PRKG1: variants seen among roughly 807,000 people sequenced by gnomAD.
PRKG1 encodes the protein protein kinase cGMP-dependent 1, also known as cGMP-dependent protein kinase 1.
A neutral mutation model predicts 88.1 loss-of-function variants in PRKG1; 35 were observed. The observed-to-expected ratio is 0.40, with a 90% CI of 0.30 to 0.53. The LOEUF is 0.53. PRKG1 is among the 20% of genes least tolerant of loss of function. PRKG1 has a pLI of 0.59. For synonymous variants in PRKG1, 303 were observed against 292.5 expected (o/e 1.04, Z -0.37); for missense variants, 540 against 839.8 (o/e 0.64, Z 4.41).
At chr10:51,931,245 A>G (rs1224271294) in intron 5 of PRKG1, among the ~76,000 whole-genome samples, 1 of 152,216 alleles carries the variant, frequency 6.6e-6, no homozygotes, top group Non-Finnish European at 1.5e-5. Flanking sequence ...TCGAAAATTA[A>G]TGTACCAGGG....
intron 1 of PRKG1, among the ~76,000 whole-genome samples, chr10:51,012,850 G>T (rs562252822): frequency 1.5e-3 from 223 of 152,342 alleles, no homozygotes; most frequent in African/African-American, 5.3e-3. Flanking sequence ...TGGTATGGTT[G>T]GAGATAAACT....
intron 3 of PRKG1, among the ~76,000 whole-genome samples, chr10:51,714,984 T>C (rs1343816880): frequency 6.6e-6 from 1 of 152,194 alleles, no homozygotes; most frequent in Admixed American, 6.5e-5. Flanking sequence ...AGGACAGTGT[T>C]ACCGTATGCC....
chr10:51,097,482 C>T (rs986715303), intron 1 of PRKG1, among the ~76,000 whole-genome samples: 3 of 152,076 alleles, frequency 2.0e-5, no homozygotes, highest in South Asian at 2.1e-4. Flanking sequence ...CTTGGCTTCC[C>T]GAAGTGCTTG....
rs1006468166 is a variant in PRKG1 at position 51,759,337 on chromosome 10, G to A, written c.593-45248G>A. On this transcript the variant is annotated intron_variant, in intron 3 of 17. Coordinates refer to ENST00000373980, the MANE Select transcript of PRKG1 (RefSeq NM_006258.4). The stretch of plus-strand genomic sequence containing the variant: ...GCTGGAGTGTGATGGTGCGATCTCG[G>A]CTCACTGCAACCTCCACCTCCCAGG... Among the ~76,000 whole-genome samples the A allele has an allele frequency of 3.3e-5, 5 of 152,074 alleles. No individual in the cohort carries two copies. The East Asian group carries it at 9.7e-4, about 30-fold the overall frequency.
At chr10:52,106,100 T>A (rs1189995500) in intron 7 of PRKG1, among the ~76,000 whole-genome samples, 1 of 152,224 alleles carries the variant, frequency 6.6e-6, no homozygotes, top group Non-Finnish European at 1.5e-5. Context: ...GTTACTTCAC[T>A]TAAAATAATA....
At chr10:52,112,602 T>G (rs1191247295) in intron 7 of PRKG1, among the ~76,000 whole-genome samples, 1 of 152,218 alleles carries the variant, frequency 6.6e-6, no homozygotes, top group Non-Finnish European at 1.5e-5. Flanking sequence ...TCTTTCTTGT[T>G]CCAGACCTGT....
intron 2 of PRKG1, among the ~76,000 whole-genome samples, chr10:51,400,516 G>C (rs1313338570): frequency 6.6e-6 from 1 of 152,164 alleles, no homozygotes; most frequent in African/African-American, 2.4e-5. Flanking sequence ...GGGTATTTTA[G>C]AGCTCCTCTG....
At chr10:52,110,548 T>G (rs1847538895) in intron 7 of PRKG1, among the ~76,000 whole-genome samples, 1 of 152,062 alleles carries the variant, frequency 6.6e-6, no homozygotes, top group African/African-American at 2.4e-5. Flanking sequence ...TGAGGCATGT[T>G]GTGCAGAGGC....
At chr10:52,090,520 A>G (rs1847030136) in intron 7 of PRKG1, among the ~76,000 whole-genome samples, 1 of 151,600 alleles carries the variant, frequency 6.6e-6, no homozygotes, top group Non-Finnish European at 1.5e-5. Flanking sequence ...GAAATAGAAA[A>G]TCATCATTGG....
chr10:52,239,610 A>C (rs1840803565), intron 9 of PRKG1, among the ~76,000 whole-genome samples: 2 of 151,492 alleles, frequency 1.3e-5, no homozygotes, highest in Non-Finnish European at 2.9e-5. Flanking sequence ...TTATTTACCA[A>C]CAATTAAAAA....
At chr10:51,743,448 T>C (rs973385449) in intron 3 of PRKG1, among the ~76,000 whole-genome samples, 1 of 151,644 alleles carries the variant, frequency 6.6e-6, no homozygotes, top group African/African-American at 2.4e-5. Flanking sequence ...AATAATCACA[T>C]GTGATAATCC....
intron 3 of PRKG1, among the ~76,000 whole-genome samples, chr10:51,601,782 A>G (rs1479745631): frequency 3.0e-5 from 2 of 66,082 alleles, no homozygotes. Context: ...AAGCTGAGCC[A>G]TTTTGCCTGA....
chr10:51,100,988 G>T (rs1416982804), intron 1 of PRKG1, among the ~76,000 whole-genome samples: 1 of 152,146 alleles, frequency 6.6e-6, no homozygotes, highest in East Asian at 1.9e-4. Flanking sequence ...TGAGGATGAA[G>T]AAGTTTTCAC....
chr10:52,227,209 T>C (rs571868967), intron 9 of PRKG1, among the ~76,000 whole-genome samples: 16 of 152,146 alleles, frequency 1.1e-4, no homozygotes, highest in Admixed American at 9.8e-4. Context: ...TCTGGAAAAA[T>C]AAGGAAATGT....
intron 3 of PRKG1, among the ~76,000 whole-genome samples, chr10:51,562,731 AT>A (rs1359309419): frequency 1.2e-4 from 18 of 152,202 alleles, no homozygotes; most frequent in African/African-American, 3.6e-4. Flanking sequence ...AACAATCAAC[AT>A]TTATCAATGT....
chr10:51,491,143 T>A (rs1480758052), intron 3 of PRKG1, among the ~76,000 whole-genome samples: 2 of 152,220 alleles, frequency 1.3e-5, no homozygotes, highest in African/African-American at 4.8e-5. Flanking sequence ...AAGTCAAGGA[T>A]AAATCTGATG....
intron 3 of PRKG1, among the ~76,000 whole-genome samples, chr10:51,667,026 T>A (rs1191765020): frequency 1.3e-5 from 2 of 152,120 alleles, no homozygotes; most frequent in Non-Finnish European, 2.9e-5. Flanking sequence ...GGTCTCGAAC[T>A]CCTGGGCTCA....
At chr10:51,010,331 TG>T (rs1842979317) in intron 1 of PRKG1, among the ~76,000 whole-genome samples, 1 of 152,248 alleles carries the variant, frequency 6.6e-6, no homozygotes, top group African/African-American at 2.4e-5. Context: ...TTGCTTATTA[TG>T]TTGGAAAACA....
rs1014164160 is a variant in PRKG1, at chr10:51,557,352, C to T, written c.592+89516C>T. Among the ~76,000 whole-genome samples the T allele has an allele frequency of 9.2e-5, 14 of 151,858 alleles. No homozygotes were observed. The South Asian group carries it at 2.9e-3, about 32-fold the overall frequency. On this transcript the variant is annotated intron_variant, in intron 3 of 17. Transcript: ENST00000373980. ...GCACCGGCATACACCACCACCCCCCCACCACCCACACACAAAAACTCATAA... is the reference window on the plus strand; with the variant it reads ...GCACCGGCATACACCACCACCCCCCTACCACCCACACACAAAAACTCATAA...
Sources: allele counts gnomAD v4.1 joint callset (sites outside exome capture counted in the v4.1 genomes callset), GRCh38; gene constraint gnomAD v4.1.1; transcripts MANE v1.5; gene names NCBI Gene and HGNC (gene_info 2026-07-23, HGNC 2026-07-21).